LRFN5: variants seen among roughly 807,000 people sequenced by gnomAD.
LRFN5 encodes leucine rich repeat and fibronectin type III domain containing 5.
A neutral mutation model predicts 45.6 loss-of-function variants in LRFN5; 24 were observed. The ratio of observed to expected loss-of-function variants is 0.53; its 90% CI spans 0.38 to 0.74. LRFN5 has a LOEUF of 0.74. Ranked by LOEUF, LRFN5 falls within the 30% of genes least tolerant of loss-of-function variation. The pLI is 0.00. For missense variants in LRFN5, 776 were observed against 861.5 expected (o/e 0.90, Z 1.24); for synonymous variants, 340 against 313.8 (o/e 1.08, Z -0.88).
At chr14:41,730,116 G>A (rs1597049) in intron 1 of LRFN5, among the ~76,000 whole-genome samples, 23,929 of 151,932 alleles carry the variant, frequency 0.16, 2,193 homozygotes, top group Non-Finnish European at 0.22. Flanking sequence ...CATAAATAAA[G>A]ATGAAAATGT....
At chr14:41,848,091 T>C (rs1402516236) in intron 2 of LRFN5, among the ~76,000 whole-genome samples, 1 of 152,100 alleles carries the variant, frequency 6.6e-6, no homozygotes, top group East Asian at 1.9e-4. Flanking sequence ...ATTTAAAATA[T>C]GAAAATCAAA....
At chr14:41,836,710 G>C (rs1270488359) in intron 2 of LRFN5, among the ~76,000 whole-genome samples, 1 of 152,094 alleles carries the variant, frequency 6.6e-6, no homozygotes, top group Non-Finnish European at 1.5e-5. Flanking sequence ...CTTATTCTGC[G>C]AGGCAGTTCC....
chr14:41,863,929 C>T (rs1481893289), intron 2 of LRFN5, among the ~76,000 whole-genome samples: 2 of 151,800 alleles, frequency 1.3e-5, no homozygotes, highest in Non-Finnish European at 2.9e-5. Flanking sequence ...TGAAAACATG[C>T]AGTGTTTGGC....
chr14:41,799,130 C>G (rs1887235738), intron 2 of LRFN5, among the ~76,000 whole-genome samples: 1 of 151,926 alleles, frequency 6.6e-6, no homozygotes, highest in Non-Finnish European at 1.5e-5. Context: ...AAAATCTAAC[C>G]TTATTGACTA....
At chr14:41,816,276 T>C (rs544991060) in intron 2 of LRFN5, among the ~76,000 whole-genome samples, 58 of 152,206 alleles carry the variant, frequency 3.8e-4, no homozygotes, top group African/African-American at 1.3e-3. Flanking sequence ...TATGCATAGA[T>C]TATTGAACAG....
chr14:41,837,313 C>T (rs1888697966), intron 2 of LRFN5, among the ~76,000 whole-genome samples: 1 of 151,448 alleles, frequency 6.6e-6, no homozygotes, highest in Non-Finnish European at 1.5e-5. Flanking sequence ...GACAAATCGG[C>T]ATTTGTTTTC....
At chr14:41,706,490 G>A (rs185339013) in intron 1 of LRFN5, among the ~76,000 whole-genome samples, 1 of 152,066 alleles carries the variant, frequency 6.6e-6, no homozygotes, top group African/African-American at 2.4e-5. Context: ...ATTCCCAGGA[G>A]AGGGCTTATT....
chr14:41,770,807 C>G (rs1202965748), intron 2 of LRFN5, among the ~76,000 whole-genome samples: 1 of 152,120 alleles, frequency 6.6e-6, no homozygotes, highest in Non-Finnish European at 1.5e-5. Flanking sequence ...TTCCTTCCCA[C>G]AGCTCCACTA....
chr14:41,744,107 A>T (rs1000988215), intron 1 of LRFN5, among the ~76,000 whole-genome samples: 2 of 152,192 alleles, frequency 1.3e-5, no homozygotes, highest in Non-Finnish European at 2.9e-5. Flanking sequence ...TAATCCTAGC[A>T]CTTTGGGAGA....
In LRFN5 at chr14:41,781,680, AAGAG is replaced by A. The variant is rs1395221777; in HGVS notation, c.-21+14653_-21+14656del. On this transcript the variant is annotated intron_variant, in intron 2 of 5. Coordinates refer to ENST00000298119, the MANE Select transcript of LRFN5 (RefSeq NM_152447.5). ...AAGAAAGAAAGGAAAGAAAGAAAGA[AAGAG>A]AAAGAAAGAAAAAGAGAAAGAAAAA... Among the ~76,000 whole-genome samples the A allele has an allele frequency of 4.0e-5, 6 of 151,138 alleles. No individual in the cohort carries two copies. The South Asian group carries it at 1.3e-3, about 32-fold the overall frequency.
In LRFN5 at chr14:41,887,806, C is replaced by G. The variant is rs1890630843; in HGVS notation, c.1181C>G (p.Ser394Cys). The G allele has an allele frequency of 6.2e-7, 1 of 1,613,802 alleles. No individual in the cohort carries two copies. Among genetic ancestry groups the G allele is most frequent in the African/African-American group, 1.3e-5 (1 of 74,920 alleles). Reference sequence around the variant, plus strand: ...CATATCCATGAGCCTGATCCTGGTTCTTCAGATATCTCAACTTCTACCAAG... The same window carrying G: ...CATATCCATGAGCCTGATCCTGGTTGTTCAGATATCTCAACTTCTACCAAG... ...TNHIHEPDPG[S>C]SDISTSTKSG... The change falls in exon 3 of 6, where the codon TCT becomes TGT. Residue 394 changes from serine to cysteine, a missense_variant. Transcript: ENST00000298119. This position sits in a 1 kb window ranked among gnomAD's most constrained non-coding sequence, Gnocchi z 4.8.
intron 2 of LRFN5, among the ~76,000 whole-genome samples, chr14:41,825,722 T>G (rs901635535): frequency 2.6e-5 from 4 of 152,192 alleles, no homozygotes; most frequent in Admixed American, 6.5e-5. Context: ...CTCAGTATAG[T>G]GCCTGCCACC....
At chr14:41,715,236 C>G (rs1235494004) in intron 1 of LRFN5, among the ~76,000 whole-genome samples, 1 of 152,142 alleles carries the variant, frequency 6.6e-6, no homozygotes, top group African/African-American at 2.4e-5. Flanking sequence ...ATTTAAAAAT[C>G]AAAGAGGGAT....
At chr14:41,701,095 C>G (rs1882823366) in intron 1 of LRFN5, 1 of 152,026 alleles carries the variant, frequency 6.6e-6, no homozygotes, top group Non-Finnish European at 1.5e-5. Context: ...TGAGTTAATA[C>G]TCATTATATA....
At chr14:41,616,128 C>G (rs1210392108) in intron 1 of LRFN5, among the ~76,000 whole-genome samples, 1 of 151,998 alleles carries the variant, frequency 6.6e-6, no homozygotes, top group African/African-American at 2.4e-5. Flanking sequence ...AAAATTCACT[C>G]ATACATTTTA....
chr14:41,685,512 T>A (rs1882080786), intron 1 of LRFN5, among the ~76,000 whole-genome samples: 2 of 152,216 alleles, frequency 1.3e-5, no homozygotes, highest in Non-Finnish European at 2.9e-5. Flanking sequence ...CAACTGCTTT[T>A]GACATTTTTG....
chr14:41,686,470 C>T (rs139800828), intron 1 of LRFN5, among the ~76,000 whole-genome samples: 3,579 of 151,922 alleles, frequency 0.024, 127 homozygotes, highest in African/African-American at 0.082. Context: ...CTTTCTCTTT[C>T]CTGATTGCCC....
intron 1 of LRFN5, among the ~76,000 whole-genome samples, chr14:41,627,066 G>T (rs1594561973): frequency 6.6e-6 from 1 of 152,048 alleles, no homozygotes; most frequent in Non-Finnish European, 1.5e-5. Context: ...AGTATAAAAG[G>T]ATAGTTTTCA....
intron 1 of LRFN5, among the ~76,000 whole-genome samples, chr14:41,660,684 T>C (rs916344225): frequency 6.6e-6 from 1 of 151,990 alleles, no homozygotes; most frequent in Non-Finnish European, 1.5e-5. Flanking sequence ...CTTGTAAAGA[T>C]ACTGATTGTT....
Sources: gnomAD v4.1 joint callset for allele counts (sites outside exome capture counted in the v4.1 genomes callset) on GRCh38, gnomAD v4.1.1 for gene constraint, Gnocchi (gnomAD v3.1) non-coding constraint, MANE v1.5 for transcripts, NCBI Gene and HGNC (gene_info 2026-07-23, HGNC 2026-07-21) for gene names.